RPS6KC1: variants seen among roughly 807,000 people sequenced by gnomAD.
The protein encoded by RPS6KC1 is inactive ribosomal protein S6 kinase delta-1.
RPS6KC1 carries 54 observed loss-of-function variants against 103.8 expected under a neutral mutation model. The observed-to-expected ratio is 0.52, with a 90% CI of 0.42 to 0.65. The LOEUF (loss-of-function observed/expected upper bound fraction) is 0.65. Among genes scored for constraint, RPS6KC1 ranks in the 30% least tolerant of loss-of-function variants. The pLI is 0.00. For missense variants in RPS6KC1, 1,151 were observed against 1,253.8 expected (o/e 0.92, Z 1.24); for synonymous variants, 439 against 438.7 (o/e 1.00, Z -0.01).
chr1:213,727,967 C>T, the RPS6KC1 span, among the ~76,000 whole-genome samples: 2 of 152,026 alleles, frequency 1.3e-5, no homozygotes, highest in East Asian at 1.9e-4. Flanking sequence ...CTTCAGACAA[C>T]GCATCTATCA....
the RPS6KC1 span, among the ~76,000 whole-genome samples, chr1:213,567,694 C>A: frequency 6.6e-6 from 1 of 152,162 alleles, no homozygotes; most frequent in Admixed American, 6.5e-5. Flanking sequence ...CTTCACAACC[C>A]TAAAATATAT....
the RPS6KC1 span, among the ~76,000 whole-genome samples, chr1:213,501,299 A>C: frequency 6.6e-6 from 1 of 152,230 alleles, no homozygotes; most frequent in Non-Finnish European, 1.5e-5. Flanking sequence ...GATTGCCTAT[A>C]AATTGTGTTT....
At chr1:213,076,281 A>C (rs2079327011) in intron 2 of RPS6KC1, among the ~76,000 whole-genome samples, 1 of 152,234 alleles carries the variant, frequency 6.6e-6, no homozygotes, top group Admixed American at 6.5e-5. Flanking sequence ...ACTGTATTAA[A>C]AACAATAAAC....
the RPS6KC1 span, among the ~76,000 whole-genome samples, chr1:213,704,373 G>A: frequency 1.2e-4 from 14 of 115,552 alleles, no homozygotes; most frequent in African/African-American, 1.3e-4. Context: ...GGGCGACAGC[G>A]AGACTCCGTC....
At chr1:213,438,376 G>C in the RPS6KC1 span, among the ~76,000 whole-genome samples, 2 of 152,028 alleles carry the variant, frequency 1.3e-5, no homozygotes, top group African/African-American at 4.8e-5. Context: ...AAAATCATGA[G>C]TTTCTGATGA....
chr1:213,640,317 G>A, the RPS6KC1 span, among the ~76,000 whole-genome samples: 6 of 151,512 alleles, frequency 4.0e-5, no homozygotes, highest in Non-Finnish European at 7.4e-5. Context: ...CTTCCTAGAT[G>A]CTTATCCATT....
Position 213,157,703 on chromosome 1 carries a change from G to T in RPS6KC1, c.836-10155G>T, listed in dbSNP as rs1338742223. ...TTCTGTAGATTCAGAATTCAGGTTG[G>T]TTGATAATACTGCTCAAGTTTTCTA... On this transcript the variant is annotated intron_variant, in intron 6 of 14. Transcript: ENST00000366960. 2.6e-5 allele frequency among the ~76,000 whole-genome samples: 4 copies of T among 152,060 alleles called. No individual in the cohort carries two copies. The East Asian group carries it at 7.7e-4, about 29-fold the overall frequency.
the RPS6KC1 span, among the ~76,000 whole-genome samples, chr1:213,451,091 G>A: frequency 3.9e-5 from 6 of 152,296 alleles, no homozygotes; most frequent in African/African-American, 9.6e-5. Flanking sequence ...GCACTCACCC[G>A]TGGGTCAAAT....
chr1:213,217,606 C>T (rs149452809), intron 8 of RPS6KC1, among the ~76,000 whole-genome samples: 5,307 of 152,242 alleles, frequency 0.035, 111 homozygotes, highest in Middle Eastern at 0.054. Flanking sequence ...TGATGAACAT[C>T]GATGCAAAAA....
intron 8 of RPS6KC1, among the ~76,000 whole-genome samples, chr1:213,211,986 C>T (rs2093519358): frequency 6.6e-6 from 1 of 152,166 alleles, no homozygotes; most frequent in African/African-American, 2.4e-5. Context: ...TTTCCATGTG[C>T]CCCCTTGACC....
chr1:213,416,175 C>T, the RPS6KC1 span, among the ~76,000 whole-genome samples: 1 of 152,318 alleles, frequency 6.6e-6, no homozygotes, highest in Admixed American at 6.5e-5. Context: ...GGGAAGAATG[C>T]TGAAGACAAG....
chr1:213,363,643 T>C, the RPS6KC1 span, among the ~76,000 whole-genome samples: 2 of 62,440 alleles, frequency 3.2e-5, no homozygotes, highest in Non-Finnish European at 5.7e-5. Context: ...TCTTTCTTTC[T>C]TTCTTTCTTT....
At chr1:213,506,246 G>C in the RPS6KC1 span, among the ~76,000 whole-genome samples, 2 of 152,202 alleles carry the variant, frequency 1.3e-5, no homozygotes, top group African/African-American at 2.4e-5. Flanking sequence ...TAAGTAACGA[G>C]ATGAAGGAGA....
At chr1:213,373,200 A>G in the RPS6KC1 span, among the ~76,000 whole-genome samples, 1 of 152,328 alleles carries the variant, frequency 6.6e-6, no homozygotes, top group African/African-American at 2.4e-5. Context: ...GGAAAAATCA[A>G]GTCTTTACAC....
intron 6 of RPS6KC1, among the ~76,000 whole-genome samples, chr1:213,165,207 G>T (rs111352461): frequency 6.6e-6 from 1 of 152,018 alleles, no homozygotes; most frequent in Non-Finnish European, 1.5e-5. Context: ...CCTTTTAAGG[G>T]ATTGATAAGG....
At chr1:213,616,889 C>T in the RPS6KC1 span, among the ~76,000 whole-genome samples, 1 of 152,094 alleles carries the variant, frequency 6.6e-6, no homozygotes, top group Non-Finnish European at 1.5e-5. Context: ...ATAAAGGGAC[C>T]ATGGGTTCTG....
At chr1:213,230,567 C>A in intron 9 of RPS6KC1, 23 bp downstream of exon 9, 1 of 1,588,150 alleles carries the variant, frequency 6.3e-7, no homozygotes, top group Non-Finnish European at 8.6e-7. Flanking sequence ...TGTAGCCAGG[C>A]GCGGTGCCTA....
chr1:213,625,690 T>G, the RPS6KC1 span, among the ~76,000 whole-genome samples: 1 of 152,250 alleles, frequency 6.6e-6, no homozygotes, highest in African/African-American at 2.4e-5. Context: ...TTTGGTTTTT[T>G]GTCCTTGCGA....
the RPS6KC1 span, among the ~76,000 whole-genome samples, chr1:213,355,295 G>A: frequency 2.0e-5 from 3 of 152,086 alleles, no homozygotes; most frequent in Non-Finnish European, 2.9e-5. Flanking sequence ...GGGGGCTGGT[G>A]GAAGAAGGCT....
Sources: gnomAD v4.1 joint callset for allele counts (sites outside exome capture counted in the v4.1 genomes callset) on GRCh38, gnomAD v4.1.1 for gene constraint, MANE v1.5 for transcripts, NCBI Gene and HGNC (gene_info 2026-07-23, HGNC 2026-07-21) for gene names.